TMEM135: variants seen among roughly 807,000 people sequenced by gnomAD.
TMEM135 encodes transmembrane protein 135.
In TMEM135, 30 loss-of-function variants were observed where a neutral mutation model predicts 60.3. The observed-to-expected ratio is 0.50, with a 90% CI of 0.37 to 0.68. TMEM135 has a LOEUF of 0.68. Among genes scored for constraint, TMEM135 ranks in the 30% least tolerant of loss-of-function variants. The pLI, the probability that TMEM135 is intolerant of heterozygous loss-of-function variation, is 0.00. For missense variants in TMEM135, 468 were observed against 548.8 expected (o/e 0.85, Z 1.47); for synonymous variants, 190 against 186.7 (o/e 1.02, Z -0.14).
chr11:87,221,418 T>G (rs1940614366), intron 5 of TMEM135, among the ~76,000 whole-genome samples: 1 of 152,214 alleles, frequency 6.6e-6, no homozygotes, highest in Admixed American at 6.5e-5. Context: ...ACATACATGC[T>G]AAATATTGAC....
intron 1 of TMEM135, among the ~76,000 whole-genome samples, chr11:87,065,909 C>T (rs1856641530): frequency 6.6e-6 from 1 of 152,204 alleles, no homozygotes. Flanking sequence ...ACCACACTGG[C>T]ATATTATAGC....
intron 9 of TMEM135, among the ~76,000 whole-genome samples, chr11:87,309,236 T>A (rs1436415904): frequency 5.3e-5 from 8 of 152,206 alleles, no homozygotes; most frequent in African/African-American, 1.9e-4. Context: ...AATGGAATTT[T>A]GGTGCATAGG....
At chr11:87,162,775 A>G (rs1591067046) in intron 5 of TMEM135, among the ~76,000 whole-genome samples, 1 of 152,258 alleles carries the variant, frequency 6.6e-6, no homozygotes, top group Non-Finnish European at 1.5e-5. Context: ...TTCTGGTTCT[A>G]GATCCTTAAG....
At chr11:87,119,322 C>G (rs1022965360) in intron 4 of TMEM135, among the ~76,000 whole-genome samples, 28 of 152,104 alleles carry the variant, frequency 1.8e-4, no homozygotes, top group African/African-American at 6.0e-4. Flanking sequence ...GTGGAGCAGT[C>G]AAAACACACA....
In TMEM135 at chr11:87,323,328, C is replaced by T. The variant is rs781264620; in HGVS notation, c.*1995C>T. On this transcript the variant is annotated 3_prime_UTR_variant, in exon 15 of 15. Coordinates refer to ENST00000305494, the MANE Select transcript of TMEM135 (RefSeq NM_022918.4). ...ATGAATGTATAGGTTGAGTGAATAA[C>T]CAATTTGCAGTGGTGGATTGAGAAG... 1 of 453,860 alleles carries T rather than the reference C, an allele frequency of 2.2e-6. No homozygotes were observed. The highest frequency in any genetic ancestry group is 4.4e-6 in the Non-Finnish European group (1 of 226,730). 28.1% of individuals were successfully genotyped at this position (453,860 alleles called of 1,614,324 possible).
rs1325764227 is a variant in TMEM135, at chr11:87,326,129, C to T, written c.*4796C>T. On this transcript the variant is annotated 3_prime_UTR_variant, in exon 15 of 15. Transcript: ENST00000305494. ...TATTCAGTTTTGTGCCATACTCTCC[C>T]CCACCCCCAGCCTGCTGCCTCTGCA... The T allele has an allele frequency of 2.2e-6, 1 of 453,714 alleles. No homozygotes were observed. Among genetic ancestry groups the T allele is most frequent in the African/African-American group, 2.0e-5 (1 of 49,920 alleles). 28.1% of individuals were successfully genotyped at this position (453,714 alleles called of 1,614,324 possible). A position where few individuals can be genotyped will look rare whatever the true frequency, so the allele number is the denominator to read the frequency against.
chr11:87,301,376 C>T (rs1942446318), intron 7 of TMEM135, among the ~76,000 whole-genome samples: 1 of 152,078 alleles, frequency 6.6e-6, no homozygotes, highest in Non-Finnish European at 1.5e-5. Context: ...ACGTCAGCCT[C>T]CCAAGTAGCT....
intron 7 of TMEM135, 55 bp downstream of exon 7, chr11:87,295,878 T>G: frequency 7.3e-7 from 1 of 1,375,262 alleles, no homozygotes; most frequent in South Asian, 1.2e-5. Context: ...ACTTAAAAAA[T>G]TATACATAAT....
At chr11:87,313,335 G>T in intron 10 of TMEM135, 90 bp from the exon 11 acceptor site, 1 of 1,087,130 alleles carries the variant, frequency 9.2e-7, no homozygotes, top group African/African-American at 1.6e-5. Flanking sequence ...AAGGTAATCT[G>T]ATGAATTTAT....
At chr11:87,295,901 G>A (rs1332503280) in intron 7 of TMEM135, 78 bp downstream of exon 7, 4 of 1,152,008 alleles carry the variant, frequency 3.5e-6, no homozygotes, top group South Asian at 2.7e-5. Context: ...CAATAAATAG[G>A]TATTGACTAA....
intron 6 of TMEM135, among the ~76,000 whole-genome samples, chr11:87,253,038 G>T (rs1591142107): frequency 6.6e-6 from 1 of 152,050 alleles, no homozygotes; most frequent in African/African-American, 2.4e-5. Context: ...GTTCATAAAT[G>T]CTGTGAATCA....
chr11:87,071,789 T>C (rs1344738760), intron 3 of TMEM135, among the ~76,000 whole-genome samples, 174 bp downstream of exon 3: 1 of 152,038 alleles, frequency 6.6e-6, no homozygotes, highest in African/African-American at 2.4e-5. Context: ...ATATGTATTT[T>C]ATATTTATTG....
At chr11:87,180,402 G>A (rs947637953) in intron 5 of TMEM135, among the ~76,000 whole-genome samples, 2 of 152,080 alleles carry the variant, frequency 1.3e-5, no homozygotes, top group Non-Finnish European at 2.9e-5. Context: ...GTTGCAGAAA[G>A]TATATGAGTG....
intron 1 of TMEM135, among the ~76,000 whole-genome samples, chr11:87,066,213 T>C (rs1232518597): frequency 6.6e-6 from 1 of 152,194 alleles, no homozygotes; most frequent in East Asian, 1.9e-4. Context: ...TACACCCTCT[T>C]ACTCCTTCCC....
intron 5 of TMEM135, among the ~76,000 whole-genome samples, chr11:87,198,340 C>A (rs536832166): frequency 1.6e-4 from 24 of 152,028 alleles, no homozygotes; most frequent in Non-Finnish European, 3.1e-4. Context: ...TTTTGGTATT[C>A]CAAGAGCAGG....
At chr11:87,304,591 C>G (rs189971435) in intron 8 of TMEM135, among the ~76,000 whole-genome samples, 4 of 152,270 alleles carry the variant, frequency 2.6e-5, no homozygotes, top group Non-Finnish European at 4.4e-5. Context: ...GATATAAGGG[C>G]TGTGGCCAGT....
intron 6 of TMEM135, among the ~76,000 whole-genome samples, chr11:87,252,060 T>C (rs1941428969): frequency 6.6e-6 from 1 of 152,074 alleles, no homozygotes; most frequent in African/African-American, 2.4e-5. Context: ...TTTAGTAAAC[T>C]CAAGAAGCTT....
At chr11:87,278,399 C>T (rs2135417859) in intron 6 of TMEM135, among the ~76,000 whole-genome samples, 1 of 143,578 alleles carries the variant, frequency 7.0e-6, no homozygotes, top group South Asian at 2.2e-4. Context: ...TTTTTTGAGA[C>T]AGAGTCTCAC....
intron 9 of TMEM135, 44 bp downstream of exon 9, chr11:87,306,049 G>A: frequency 9.0e-7 from 1 of 1,116,792 alleles, no homozygotes; most frequent in Non-Finnish European, 1.3e-6. Flanking sequence ...TAGGGAATGG[G>A]TATAGAAATT....
Sources: allele counts gnomAD v4.1 joint callset (sites outside exome capture counted in the v4.1 genomes callset), GRCh38; gene constraint gnomAD v4.1.1; transcripts MANE v1.5; gene names NCBI Gene and HGNC (gene_info 2026-07-23, HGNC 2026-07-21).